ANKRD33B: variants seen among roughly 807,000 people sequenced by gnomAD.
ANKRD33B encodes ankyrin repeat domain-containing protein 33B.
In ANKRD33B, 6 loss-of-function variants were observed where a neutral mutation model predicts 21.5. The observed-to-expected ratio is 0.28, with a 90% CI of 0.15 to 0.55. ANKRD33B has a LOEUF of 0.55. ANKRD33B is among the 20% of genes least tolerant of loss of function. The pLI is 0.94. For missense variants in ANKRD33B, 698 were observed against 747.2 expected, an observed-to-expected ratio of 0.93 and a Z score of 0.77; for synonymous variants, 347 against 342.4, an observed-to-expected ratio of 1.01 and a Z score of -0.15.
At chr5:10,623,953 G>A (rs1311527887) in intron 2 of ANKRD33B, among the ~76,000 whole-genome samples, 1 of 152,146 alleles carries the variant, frequency 6.6e-6, no homozygotes, top group African/African-American at 2.4e-5. Flanking sequence ...GGAAATTAGA[G>A]GTGAATACCT....
At chr5:10,623,172 A>G (rs1736463240) in intron 2 of ANKRD33B, among the ~76,000 whole-genome samples, 1 of 152,196 alleles carries the variant, frequency 6.6e-6, no homozygotes, top group South Asian at 2.1e-4. Flanking sequence ...CCCTGGCCTC[A>G]TGTGCCTGGA....
At chr5:10,601,581 C>T (rs1026258726) in intron 1 of ANKRD33B, among the ~76,000 whole-genome samples, 7 of 152,322 alleles carry the variant, frequency 4.6e-5, no homozygotes, top group East Asian at 3.9e-4. Context: ...ACTGAATGTC[C>T]TGAGGGGAGG....
intron 1 of ANKRD33B, among the ~76,000 whole-genome samples, chr5:10,579,121 G>A (rs1735384245): frequency 6.7e-6 from 1 of 148,246 alleles, no homozygotes; most frequent in Non-Finnish European, 1.5e-5. Context: ...CCGTGATCGC[G>A]CCACTGCACT....
chr5:10,564,422 C>G lies in ANKRD33B; in HGVS notation c.-46C>G. ...CTCGGCGCGCGCCCCGCGTCCCGCT[C>G]TTCCTGCCCGCGCCCCGGCCCCCGG... On this transcript the variant is annotated 5_prime_UTR_variant, in exon 1 of 4. Coordinates refer to ENST00000296657, the MANE Select transcript of ANKRD33B (RefSeq NM_001164440.2). The G allele has an allele frequency of 9.7e-6, 10 of 1,034,226 alleles. No individual in the cohort carries two copies. Among genetic ancestry groups the G allele is most frequent in the Non-Finnish European group, 1.2e-5 (10 of 862,970 alleles). 64.1% of individuals were successfully genotyped at this position (1,034,226 alleles called of 1,614,324 possible). A position where few individuals can be genotyped will look rare whatever the true frequency, so the allele number is the denominator to read the frequency against.
intron 1 of ANKRD33B, among the ~76,000 whole-genome samples, chr5:10,578,467 A>T (rs1391536222): frequency 6.6e-6 from 1 of 152,170 alleles, no homozygotes; most frequent in Non-Finnish European, 1.5e-5. Flanking sequence ...GGATTCTTTT[A>T]TCACACAAGA....
At position 10,619,737 on chromosome 5, in the gene ANKRD33B, T is replaced by C. The variant is rs1364861615; in HGVS notation, c.496+1275T>C. 6.6e-6 allele frequency among the ~76,000 whole-genome samples: 1 copy of C among 152,136 alleles called. No individual in the cohort carries two copies. The highest frequency in any genetic ancestry group is 2.4e-5 in the African/African-American group (1 of 41,424). On this transcript the variant is annotated intron_variant, in intron 2 of 3. Coordinates refer to ENST00000296657, the MANE Select transcript of ANKRD33B (RefSeq NM_001164440.2). The surrounding 1 kb of genome is among the most constrained non-coding windows in gnomAD (Gnocchi z 4.5). ...AGTGTGAAAGGGCTTTGTAAGGCATTCAGTGATTCGTTTCCTCTCGTGGGC... is the reference window on the plus strand; with the variant it reads ...AGTGTGAAAGGGCTTTGTAAGGCATCCAGTGATTCGTTTCCTCTCGTGGGC...
chr5:10,622,582 T>C (rs1736444166), intron 2 of ANKRD33B, among the ~76,000 whole-genome samples: 1 of 152,244 alleles, frequency 6.6e-6, no homozygotes, highest in Non-Finnish European at 1.5e-5. Context: ...TATTGAATTT[T>C]TCTAAGAATA....
chr5:10,649,433 G>C lies in ANKRD33B; in HGVS notation c.805G>C (p.Ala269Pro), dbSNP rs576501299. ...GCCCGAGCTGCCGCCGCCCCCTGAAGCGGCGCGGAAGCCCGCGGGCTCCAA... is the reference window on the plus strand; with the variant it reads ...GCCCGAGCTGCCGCCGCCCCCTGAACCGGCGCGGAAGCCCGCGGGCTCCAA... The part of the protein sequence containing the change: ...YRPELPPPPE[A>P]ARKPAGSKNC... Residue 269 changes from alanine (A) to proline (P), a missense_variant, in exon 4 of 4, where the codon GCG (alanine) becomes CCG (proline). Physicochemically the swap from Ala to Pro is conservative, Grantham distance 27 (BLOSUM62 -1). Around this residue, in one of 3 missense-constraint regions of ANKRD33B, gnomAD observed 543 missense variants for 566.5 expected, o/e 0.96. Coordinates refer to ENST00000296657, the MANE Select transcript of ANKRD33B (RefSeq NM_001164440.2). 6.5e-7 allele frequency: 1 copy of C among 1,535,278 alleles called. No homozygotes were observed. The highest frequency in any genetic ancestry group is 8.7e-7 in the Non-Finnish European group (1 of 1,146,488).
intron 1 of ANKRD33B, among the ~76,000 whole-genome samples, chr5:10,565,544 A>C (rs894808318): frequency 5.9e-5 from 9 of 152,256 alleles, no homozygotes; most frequent in African/African-American, 2.2e-4. Context: ...AGCCGCGGGC[A>C]TCCACCCGGG....
chr5:10,623,169 C>T (rs1401575876), intron 2 of ANKRD33B, among the ~76,000 whole-genome samples: 5 of 152,166 alleles, frequency 3.3e-5, no homozygotes, highest in African/African-American at 1.2e-4. Flanking sequence ...CCTCCCTGGC[C>T]TCATGTGCCT....
At chr5:10,575,382 C>T (rs1288497375) in intron 1 of ANKRD33B, among the ~76,000 whole-genome samples, 1 of 150,098 alleles carries the variant, frequency 6.7e-6, no homozygotes, top group East Asian at 2.0e-4. Context: ...GCCGAGATCG[C>T]ACCACTCCAC....
chr5:10,649,664 C>T lies in ANKRD33B; in HGVS notation c.1036C>T (p.Leu346=), dbSNP rs1329658729. The change falls in exon 4 of 4, where the codon CTG becomes TTG. Residue 346 remains leucine (L), a synonymous_variant. Coordinates refer to ENST00000296657, the MANE Select transcript of ANKRD33B (RefSeq NM_001164440.2). ...GAGGCGGCTGGCGGTGCAGGAGATC[C>T]TGGCGGCGCGGGCTGCACGGGGCCC... ...GKRRLAVQEI[L]AARAARGPQA... is the part of the protein sequence containing the mutation. 1.3e-6 allele frequency: 2 copies of T among 1,529,802 alleles called. No homozygotes were observed. Among genetic ancestry groups the T allele is most frequent in the Non-Finnish European group, 1.7e-6 (2 of 1,144,088 alleles). 94.8% of individuals were successfully genotyped at this position (1,529,802 alleles called of 1,614,324 possible). A position where few individuals can be genotyped will look rare whatever the true frequency, so the allele number is the denominator to read the frequency against.
intron 2 of ANKRD33B, among the ~76,000 whole-genome samples, chr5:10,631,956 A>G (rs571284471): frequency 1.2e-4 from 19 of 152,276 alleles, no homozygotes; most frequent in Admixed American, 1.1e-3. Flanking sequence ...GTTGGTTTAT[A>G]TCAGTGGAGG....
At chr5:10,590,983 T>C (rs1340912349) in intron 1 of ANKRD33B, among the ~76,000 whole-genome samples, 1 of 152,182 alleles carries the variant, frequency 6.6e-6, no homozygotes, top group African/African-American at 2.4e-5. Flanking sequence ...AGGGGAAAAG[T>C]GCCTCTGATT....
At chr5:10,590,186 A>G (rs555968524) in intron 1 of ANKRD33B, among the ~76,000 whole-genome samples, 1 of 152,040 alleles carries the variant, frequency 6.6e-6, no homozygotes, top group South Asian at 2.1e-4. Context: ...TAATTTCTGG[A>G]TCTTCTGGGG....
Position 10,564,777 on chromosome 5 carries a change from C to G in ANKRD33B, c.310C>G (p.Leu104Val). Residue 104 changes from leucine (L) to valine (V), a missense_variant, in exon 1 of 4, where the codon CTG (leucine) becomes GTG (valine). Coordinates refer to ENST00000296657, the MANE Select transcript of ANKRD33B (RefSeq NM_001164440.2). ...CAACAACGTGGGGCTGCTGCGGACG[C>G]TGGTGCGGCGCGGGGTGAGCGTCGA... The part of the protein sequence containing the change: ...CANNVGLLRT[L>V]VRRGVSVEEA... 3 of 1,525,726 alleles carry G rather than the reference C, an allele frequency of 2.0e-6. No individual in the cohort carries two copies. Among genetic ancestry groups the G allele is most frequent in the South Asian group, 2.4e-5 (2 of 83,662 alleles). The allele number at this position is 1,525,726 out of a possible 1,614,324, so 94.5% of individuals were successfully genotyped here.
intron 3 of ANKRD33B, among the ~76,000 whole-genome samples, chr5:10,648,704 AAC>A (rs1457847489): frequency 2.0e-5 from 3 of 151,746 alleles, no homozygotes; most frequent in Non-Finnish European, 2.9e-5. Flanking sequence ...GGTTGCGGTG[AAC>A]GGAGATTGTG....
chr5:10,567,777 A>G (rs1735092946), intron 1 of ANKRD33B, among the ~76,000 whole-genome samples: 1 of 152,192 alleles, frequency 6.6e-6, no homozygotes, highest in African/African-American at 2.4e-5. Flanking sequence ...GTGTGCAAAG[A>G]CTGAGGTGGG....
intron 1 of ANKRD33B, among the ~76,000 whole-genome samples, chr5:10,613,021 C>T (rs1265593300): frequency 6.6e-6 from 1 of 152,160 alleles, no homozygotes; most frequent in Admixed American, 6.5e-5. Context: ...TTTTTTCTCA[C>T]ACTCGAGCAT....
Sources: gnomAD v4.1 joint callset for allele counts (sites outside exome capture counted in the v4.1 genomes callset) on GRCh38, gnomAD v4.1.1 for gene constraint, gnomAD v4.1.1 regional missense constraint, Gnocchi (gnomAD v3.1) non-coding constraint, MANE v1.5 for transcripts, NCBI Gene and HGNC (gene_info 2026-07-23, HGNC 2026-07-21) for gene names.